The following MGMT variants were observed in gnomAD, a reference collection of about 807,000 sequenced individuals.
MGMT encodes the protein methylated-DNA--protein-cysteine methyltransferase.
A neutral mutation model predicts 15.9 loss-of-function variants in MGMT; 14 were observed. The observed-to-expected ratio is 0.88, with a 90% CI of 0.58 to 1.37. The LOEUF is 1.37. MGMT is among the 40% of genes most tolerant of loss of function. The pLI is 0.00. For synonymous variants in MGMT, 130 were observed against 118.2 expected (o/e 1.10, Z -0.65); for missense variants, 282 against 268.1 (o/e 1.05, Z -0.36).
chr10:129,615,283 C>A (rs546071147), intron 2 of MGMT, among the ~76,000 whole-genome samples: 1 of 152,186 alleles, frequency 6.6e-6, no homozygotes, highest in Non-Finnish European at 1.5e-5. Flanking sequence ...CCTCCCCTGA[C>A]GTGCCCCTGC....
At chr10:129,531,431 G>A (rs1447304309) in intron 1 of MGMT, among the ~76,000 whole-genome samples, 3 of 152,070 alleles carry the variant, frequency 2.0e-5, no homozygotes, top group Admixed American at 2.0e-4. Context: ...CTCACTGCCT[G>A]ATTTCTGCCT....
rs1554874807 is a variant in MGMT, at chr10:129,657,728, C to CACACACACACA, written c.126-50167_126-50166insACACACACACA. Among the ~76,000 whole-genome samples the CACACACACACA allele has an allele frequency of 6.1e-4, 83 of 136,130 alleles. 9 individuals carry two copies. Among genetic ancestry groups the CACACACACACA allele is most frequent in the South Asian group, 1.2e-3 (5 of 4,310 alleles). The allele number at this position is 136,130 out of a possible 152,430, so 89.3% of individuals were successfully genotyped here. ...ACACGCACACACACACACACACACA[C>CACACACACACA]CCCCTCTCCCCCAAGGACCCACAAG... On this transcript the variant is annotated intron_variant, in intron 2 of 4. Transcript: ENST00000651593.
intron 2 of MGMT, among the ~76,000 whole-genome samples, chr10:129,596,945 G>A (rs1281542518): frequency 1.3e-5 from 2 of 152,160 alleles, no homozygotes; most frequent in African/African-American, 2.4e-5. Flanking sequence ...GAGTGAGGGG[G>A]GTGGGGTGTA....
chr10:129,565,529 T>C (rs1413701929), intron 2 of MGMT, among the ~76,000 whole-genome samples: 2 of 152,218 alleles, frequency 1.3e-5, no homozygotes, highest in Non-Finnish European at 2.9e-5. Context: ...TGAAAATGAA[T>C]GTAAAATATT....
intron 1 of MGMT, among the ~76,000 whole-genome samples, chr10:129,516,505 A>C (rs1173380557): frequency 6.6e-6 from 1 of 152,186 alleles, no homozygotes; most frequent in Admixed American, 6.5e-5. Flanking sequence ...TGTGTGATGA[A>C]CAGGTGAGAC....
At chr10:129,749,385 A>G (rs1848729164) in intron 3 of MGMT, among the ~76,000 whole-genome samples, 1 of 152,172 alleles carries the variant, frequency 6.6e-6, no homozygotes, top group South Asian at 2.1e-4. Flanking sequence ...GGGATCATAC[A>G]GTATGTAGCC....
intron 2 of MGMT, among the ~76,000 whole-genome samples, chr10:129,680,208 A>G (rs1847834592): frequency 6.6e-6 from 1 of 152,128 alleles, no homozygotes; most frequent in Admixed American, 6.5e-5. Flanking sequence ...TTTTCTGTGA[A>G]TTTTCATTAA....
At chr10:129,684,143 C>T (rs537136117) in intron 2 of MGMT, among the ~76,000 whole-genome samples, 5 of 152,324 alleles carry the variant, frequency 3.3e-5, no homozygotes, top group Admixed American at 2.0e-4. Flanking sequence ...TTGGTGTTAG[C>T]GACAGCTATC....
chr10:129,490,480 A>G (rs1243995202), intron 1 of MGMT, among the ~76,000 whole-genome samples: 1 of 125,092 alleles, frequency 8.0e-6, no homozygotes, highest in Non-Finnish European at 1.6e-5. Context: ...AATTGTTTTT[A>G]AGGTTATTTA....
At chr10:129,623,185 G>A (rs74160243) in intron 2 of MGMT, among the ~76,000 whole-genome samples, 2,703 of 152,270 alleles carry the variant, frequency 0.018, 93 homozygotes, top group African/African-American at 0.063. Flanking sequence ...AAGCCCTTGC[G>A]CTTAGGAGCA....
intron 2 of MGMT, among the ~76,000 whole-genome samples, chr10:129,599,133 G>C (rs1846787629): frequency 6.6e-6 from 1 of 152,234 alleles, no homozygotes; most frequent in South Asian, 2.1e-4. Flanking sequence ...AAAAAGGAAA[G>C]TGACAGAGAC....
At chr10:129,673,402 G>A (rs1847748515) in intron 2 of MGMT, among the ~76,000 whole-genome samples, 1 of 152,138 alleles carries the variant, frequency 6.6e-6, no homozygotes, top group Admixed American at 6.5e-5. Flanking sequence ...TCTGCAACAA[G>A]CAAAATTTTG....
intron 2 of MGMT, among the ~76,000 whole-genome samples, chr10:129,681,057 T>A (rs909327117): frequency 4.6e-5 from 7 of 152,182 alleles, no homozygotes; most frequent in Non-Finnish European, 1.0e-4. Context: ...CCCTGCTTTG[T>A]GTCCTGTGGC....
At chr10:129,724,324 C>G (rs1848408353) in intron 3 of MGMT, among the ~76,000 whole-genome samples, 1 of 152,150 alleles carries the variant, frequency 6.6e-6, no homozygotes, top group East Asian at 1.9e-4. Flanking sequence ...TATTGAAGCT[C>G]TGCAGTTGCC....
At chr10:129,500,946 A>G (rs1474043625) in intron 1 of MGMT, among the ~76,000 whole-genome samples, 2 of 152,346 alleles carry the variant, frequency 1.3e-5, no homozygotes, top group Non-Finnish European at 1.5e-5. Flanking sequence ...GACAGCTTTC[A>G]TGTAAATTTA....
chr10:129,707,899 G>C lies in MGMT; in HGVS notation c.130G>C (p.Val44Leu), dbSNP rs373527392. 6.2e-6 allele frequency: 10 copies of C among 1,611,468 alleles called. No homozygotes were observed. The highest frequency in any genetic ancestry group is 1.3e-5 in the African/African-American group (1 of 74,940). Residue 44 changes from valine to leucine, a missense_variant, in exon 3 of 5, where the codon GTG becomes CTG. Val to Leu is a conservative substitution (Grantham distance 32). Transcript: ENST00000651593. Reference sequence around the variant, plus strand: ...CCCCTGTTCTCACTTTTGCAGTGCCGTGGAGGTCCCAGCCCCCGCTGCGGT... The same window carrying C: ...CCCCTGTTCTCACTTTTGCAGTGCCCTGGAGGTCCCAGCCCCCGCTGCGGT... ...LGKGTSAADA[V>L]EVPAPAAVLG...
At chr10:129,595,811 G>A (rs945706813) in intron 2 of MGMT, among the ~76,000 whole-genome samples, 11 of 152,070 alleles carry the variant, frequency 7.2e-5, no homozygotes, top group African/African-American at 1.4e-4. Context: ...TGATGGTCAC[G>A]AGCCGTCGGG....
At chr10:129,530,236 G>C (rs531452308) in intron 1 of MGMT, among the ~76,000 whole-genome samples, 1 of 152,206 alleles carries the variant, frequency 6.6e-6, no homozygotes, top group East Asian at 1.9e-4. Flanking sequence ...TTTTCTCCTT[G>C]AAAAGTTGAC....
At chr10:129,656,183 T>C (rs1334711100) in intron 2 of MGMT, among the ~76,000 whole-genome samples, 2 of 152,222 alleles carry the variant, frequency 1.3e-5, no homozygotes, top group Non-Finnish European at 2.9e-5. Context: ...TACAGTTCTA[T>C]GTAAGCTGTC....
Sources: gnomAD v4.1 joint callset for allele counts (sites outside exome capture counted in the v4.1 genomes callset) on GRCh38, gnomAD v4.1.1 for gene constraint, MANE v1.5 for transcripts, NCBI Gene and HGNC (gene_info 2026-07-23, HGNC 2026-07-21) for gene names.